Variants in PTH2R observed in about 807,000 individuals in gnomAD.
The protein encoded by PTH2R is PTH2 receptor.
In PTH2R, 59 loss-of-function variants were observed where a neutral mutation model predicts 60.3. The ratio of observed to expected loss-of-function variants is 0.98; its 90% CI spans 0.79 to 1.22. The LOEUF is 1.22. Ranked by LOEUF, PTH2R falls within the 50% of genes most tolerant of loss-of-function variation. PTH2R has a pLI of 0.00. For synonymous variants in PTH2R, 256 were observed against 243.8 expected (o/e 1.05, Z -0.47); for missense variants, 749 against 682.6 (o/e 1.10, Z -1.08).
chr2:208,365,127 C>T (rs913087550), intron 1 of PTH2R, among the ~76,000 whole-genome samples: 1 of 150,588 alleles, frequency 6.6e-6, no homozygotes, highest in African/African-American at 2.4e-5. Flanking sequence ...GAAATTTTTA[C>T]TTCTTTCTTC....
At chr2:208,455,121 G>A (rs997543487) in intron 8 of PTH2R, among the ~76,000 whole-genome samples, 4 of 152,138 alleles carry the variant, frequency 2.6e-5, no homozygotes, top group African/African-American at 7.2e-5. Flanking sequence ...GAGGGTTGAT[G>A]TTATCTAATT....
In PTH2R at chr2:208,486,149, T is replaced by A. The variant is rs370111450; in HGVS notation, c.1077-2863T>A. ...GAGACTGTGGGCCAGGGGCCCAGGG[T>A]ATGTGCCTGGACTCCTAGCCTATAG... is the stretch of plus-strand genomic sequence containing the variant. On this transcript the variant is annotated intron_variant, in intron 10 of 12. Transcript: ENST00000272847. Among the ~76,000 whole-genome samples the A allele has an allele frequency of 2.6e-4, 39 of 152,326 alleles. No individual in the cohort carries two copies. In the South Asian group the frequency reaches 6.4e-3, roughly 25 times the overall value.
intron 4 of PTH2R, among the ~76,000 whole-genome samples, chr2:208,438,361 G>A (rs1702119002): frequency 6.6e-6 from 1 of 152,218 alleles, no homozygotes; most frequent in South Asian, 2.1e-4. Flanking sequence ...AGGATTAAAG[G>A]GGAGCAAGGG....
chr2:208,404,859 G>A (rs1482648208), upstream of PTH2R, among the ~76,000 whole-genome samples: 2 of 152,184 alleles, frequency 1.3e-5, no homozygotes, highest in Non-Finnish European at 2.9e-5. Context: ...AGAGGGCTAA[G>A]TTCTTTCCAA....
chr2:208,464,603 G>C (rs1227042855), intron 9 of PTH2R, among the ~76,000 whole-genome samples: 1 of 152,164 alleles, frequency 6.6e-6, no homozygotes, highest in African/African-American at 2.4e-5. Context: ...TTTGGGCCAG[G>C]CTGTCTTTGT....
chr2:208,393,568 C>G (rs888465122), intron 1 of PTH2R, among the ~76,000 whole-genome samples: 4 of 152,206 alleles, frequency 2.6e-5, no homozygotes, highest in African/African-American at 9.7e-5. Flanking sequence ...TTCCCTCTCT[C>G]CTCTTTTTCT....
upstream of PTH2R, among the ~76,000 whole-genome samples, chr2:208,404,481 T>C (rs1254561938): frequency 6.6e-6 from 1 of 152,216 alleles, no homozygotes; most frequent in Non-Finnish European, 1.5e-5. Flanking sequence ...ATATTAATAA[T>C]TATAAATGGA....
intron 1 of PTH2R, among the ~76,000 whole-genome samples, chr2:208,378,049 C>A (rs1044063587): frequency 2.4e-4 from 36 of 151,870 alleles, no homozygotes; most frequent in African/African-American, 8.0e-4. Flanking sequence ...TGTAGCTAGC[C>A]GAGATCACGC....
intron 11 of PTH2R, 128 bp from the exon 12 acceptor site, chr2:208,490,511 T>A (rs77683617): frequency 1.3e-6 from 1 of 766,796 alleles, no homozygotes; most frequent in South Asian, 2.0e-5. Context: ...TAGGAGAGAA[T>A]AATTTGTATA....
chr2:208,378,497 T>C (rs921333722), intron 1 of PTH2R, among the ~76,000 whole-genome samples: 3 of 152,070 alleles, frequency 2.0e-5, no homozygotes, highest in Non-Finnish European at 4.4e-5. Flanking sequence ...ATCTTAGCCC[T>C]CAGAGTGGTG....
At chr2:208,374,151 A>G (rs969786804) in intron 1 of PTH2R, among the ~76,000 whole-genome samples, 3 of 151,964 alleles carry the variant, frequency 2.0e-5, no homozygotes, top group East Asian at 1.9e-4. Flanking sequence ...CTTCAATTCA[A>G]AGAACAACTG....
At position 208,407,048 on chromosome 2, in the gene PTH2R, C is replaced by G; in HGVS notation, c.5C>G (p.Ala2Gly). 7.2e-7 allele frequency: 1 copy of G among 1,393,624 alleles called. No individual in the cohort carries two copies. The highest frequency in any genetic ancestry group is 9.4e-7 in the Non-Finnish European group (1 of 1,068,094). 86.3% of individuals were successfully genotyped at this position (1,393,624 alleles called of 1,614,324 possible). ...CTTCCTACAGCCGTTCCGGGCATGG[C>G]CGGGCTGGGGGCGTCGCTCCACGTC... M[A>G]GLGASLHVWG... Residue 2 changes from alanine (A) to glycine (G), a missense_variant, in exon 1 of 13, where the codon GCC becomes GGC. Physicochemically the swap from Ala to Gly is moderately conservative, Grantham distance 60. Transcript: ENST00000272847.
intron 2 of PTH2R, among the ~76,000 whole-genome samples, chr2:208,435,241 T>A (rs568322890): frequency 6.6e-6 from 1 of 152,324 alleles, no homozygotes; most frequent in African/African-American, 2.4e-5. Flanking sequence ...TTAGTGTAAC[T>A]GGTAACTAAA....
intron 7 of PTH2R, among the ~76,000 whole-genome samples, chr2:208,449,807 A>G (rs541692882): frequency 6.6e-6 from 1 of 152,224 alleles, no homozygotes; most frequent in Non-Finnish European, 1.5e-5. Flanking sequence ...TTAAGAATTT[A>G]AAGTTATGCT....
chr2:208,365,508 C>A (rs537217617), intron 1 of PTH2R, among the ~76,000 whole-genome samples: 221 of 152,158 alleles, frequency 1.5e-3, no homozygotes, highest in African/African-American at 5.1e-3. Context: ...GTTGAACCAT[C>A]CTTGCATCCC....
Position 208,470,621 on chromosome 2 carries a change from G to A in PTH2R, c.982-10449G>A, listed in dbSNP as rs116176102. ...GTCATGATTTGAGGCATCCCCAGCC[G>A]CATGGAACTGTAAGTCCATTAAACC... On this transcript the variant is annotated intron_variant, in intron 9 of 12. Coordinates refer to ENST00000272847, the MANE Select transcript of PTH2R (RefSeq NM_005048.4). Among the ~76,000 whole-genome samples the A allele has an allele frequency of 1.1e-4, 17 of 151,542 alleles. 1 individual carries two copies. The highest frequency in any genetic ancestry group is 6.2e-4 in the South Asian group (3 of 4,830).
intron 11 of PTH2R, among the ~76,000 whole-genome samples, chr2:208,489,856 C>T (rs180883099): frequency 3.9e-5 from 6 of 152,264 alleles, no homozygotes; most frequent in African/African-American, 7.2e-5. Flanking sequence ...TGCTTCCATA[C>T]GTTCTGTTGC....
At chr2:208,452,068 CATT>C (rs1559224648) in intron 8 of PTH2R, among the ~76,000 whole-genome samples, 2 of 152,154 alleles carry the variant, frequency 1.3e-5, no homozygotes, top group African/African-American at 4.8e-5. Context: ...GTATAGATGA[CATT>C]AATACATTAT....
intron 9 of PTH2R, among the ~76,000 whole-genome samples, chr2:208,461,359 C>T (rs1702631662): frequency 6.6e-6 from 1 of 152,086 alleles, no homozygotes; most frequent in Non-Finnish European, 1.5e-5. Flanking sequence ...AAATTAACTG[C>T]TCAGATTTCC....
Sources: allele counts gnomAD v4.1 joint callset (sites outside exome capture counted in the v4.1 genomes callset), GRCh38; gene constraint gnomAD v4.1.1; transcripts MANE v1.5; gene names NCBI Gene and HGNC (gene_info 2026-07-23, HGNC 2026-07-21).